JAK1: variants seen among roughly 807,000 people sequenced by gnomAD.
JAK1 encodes Janus kinase 1.
In JAK1, 16 loss-of-function variants were observed where a neutral mutation model predicts 136.6. The ratio of observed to expected loss-of-function variants is 0.12; its 90% CI spans 0.08 to 0.18. The LOEUF (loss-of-function observed/expected upper bound fraction) is 0.18, where lower values mean the gene tolerates loss of function less well. Among genes scored for constraint, JAK1 ranks in the 10% least tolerant of loss-of-function variants. The pLI, the probability that JAK1 is intolerant of heterozygous loss-of-function variation, is 1.00. For missense variants in JAK1, 859 were observed against 1,450.1 expected, an observed-to-expected ratio of 0.59 and a Z score of 6.62; for synonymous variants, 492 against 519.5, an observed-to-expected ratio of 0.95 and a Z score of 0.72.
At position 64,984,759 on chromosome 1, in the gene JAK1, G is replaced by T. The variant is rs1646581849; in HGVS notation, c.-78+59721C>A. ...ACACATCTCAGGGACTTTGAAGAAG[G>T]TAAAGATCAAGAAGGTAATGAGGAA... On this transcript the variant is annotated intron_variant, in intron 2 of 25. Coordinates refer to the JAK1 transcript ENST00000671954. This position sits in a 1 kb window ranked among gnomAD's most constrained non-coding sequence, Gnocchi z 4.1. 1.0e-6 allele frequency: 1 copy of T among 969,540 alleles called. No individual in the cohort carries two copies. Among genetic ancestry groups the T allele is most frequent in the Non-Finnish European group, 1.6e-6 (1 of 634,396 alleles). 60.1% of individuals were successfully genotyped at this position (969,540 alleles called of 1,614,324 possible).
At chr1:64,866,296 G>A (rs185894180) in intron 7 of JAK1, among the ~76,000 whole-genome samples, 37 of 152,266 alleles carry the variant, frequency 2.4e-4, no homozygotes, top group African/African-American at 7.9e-4. Context: ...GAACCCCGTC[G>A]ACGTGGGTCT....
chr1:65,022,838 T>A (rs1366819474), intron 2 of JAK1: 2 of 152,154 alleles, frequency 1.3e-5, no homozygotes, highest in African/African-American at 4.8e-5. Context: ...AAGGAGAAAC[T>A]AATCAGGGGA....
intron 1 of JAK1, among the ~76,000 whole-genome samples, chr1:65,063,666 G>A (rs1015193437): frequency 2.0e-5 from 3 of 151,980 alleles, no homozygotes; most frequent in Admixed American, 6.6e-5. Context: ...TCTGCCGGGC[G>A]TGGTGGCACA....
chr1:65,015,822 C>G (rs549938686), intron 2 of JAK1, among the ~76,000 whole-genome samples: 1 of 152,170 alleles, frequency 6.6e-6, no homozygotes, highest in Admixed American at 6.5e-5. Flanking sequence ...ACCATATGGC[C>G]CAGTAATGCC....
In JAK1 at chr1:65,008,689, C is replaced by A. The variant is rs192094689; in HGVS notation, c.-78+35791G>T. On this transcript the variant is annotated intron_variant, in intron 2 of 25. Coordinates refer to the JAK1 transcript ENST00000671954. Reference sequence around the variant, plus strand: ...CCCTTCCCCTTCTCCTTCTCTTTCTCCTTCTCCTTCTTTTTTATGACAGGG... The same window carrying A: ...CCCTTCCCCTTCTCCTTCTCTTTCTACTTCTCCTTCTTTTTTATGACAGGG... Among the ~76,000 whole-genome samples, 1,067 of 151,192 alleles carry A rather than the reference C, an allele frequency of 7.1e-3. 13 individuals are homozygous for A. The highest frequency in any genetic ancestry group is 0.024 in the African/African-American group (996 of 41,198).
intron 4 of JAK1, among the ~76,000 whole-genome samples, chr1:64,878,764 G>C (rs1182333620): frequency 6.6e-6 from 1 of 151,964 alleles, no homozygotes; most frequent in Non-Finnish European, 1.5e-5. Flanking sequence ...AAACTCTGCT[G>C]TAGGACACTA....
chr1:64,873,897 G>T (rs1440085399), intron 4 of JAK1, among the ~76,000 whole-genome samples: 1 of 152,156 alleles, frequency 6.6e-6, no homozygotes, highest in Non-Finnish European at 1.5e-5. Context: ...TCGAATCCAA[G>T]ACCAATTTGA....
At chr1:64,967,116 A>G (rs1028126297), upstream of JAK1, among the ~76,000 whole-genome samples, 5 of 152,122 alleles carry the variant, frequency 3.3e-5, no homozygotes, top group African/African-American at 1.2e-4. Flanking sequence ...CTGATACCTA[A>G]TGCATGTACA....
At chr1:65,029,642 G>C (rs1022800239) in intron 2 of JAK1, among the ~76,000 whole-genome samples, 3 of 152,186 alleles carry the variant, frequency 2.0e-5, no homozygotes, top group African/African-American at 7.2e-5. Flanking sequence ...AAAAGAATGA[G>C]ATCATGTCCT....
chr1:65,052,118 A>ATTTTTTTTTT (rs71056073), intron 1 of JAK1, among the ~76,000 whole-genome samples: 4 of 93,574 alleles, frequency 4.3e-5, no homozygotes, highest in Admixed American at 1.3e-4. Flanking sequence ...ACGCCTGGCT[A>ATTTTTTTTTT]TTTTTTTTTT....
chr1:64,834,513 CAGG>C lies in JAK1; in HGVS notation c.*46_*48del. 14 of 1,244,402 alleles carry C rather than the reference CAGG, an allele frequency of 1.1e-5. No homozygotes were observed. The highest frequency in any genetic ancestry group is 1.4e-5 in the Non-Finnish European group (12 of 856,256). The allele number at this position is 1,244,402 out of a possible 1,614,324, so 77.1% of individuals were successfully genotyped here. A position where few individuals can be genotyped will look rare whatever the true frequency, so the allele number is the denominator to read the frequency against. On this transcript the variant is annotated 3_prime_UTR_variant, in exon 25 of 25. Coordinates refer to ENST00000342505, the MANE Select transcript of JAK1 (RefSeq NM_002227.4). The stretch of plus-strand genomic sequence containing the variant: ...TAAAAAATGACTTGGGCATTTGTTG[CAGG>C]AGAAGGACTTGATAATCTGTGGAAT...
chr1:64,849,094 G>A lies in JAK1; in HGVS notation c.1756-1419C>T, dbSNP rs554500541. 4.6e-5 allele frequency among the ~76,000 whole-genome samples: 7 copies of A among 152,284 alleles called. No individual in the cohort carries two copies. In the East Asian group the frequency reaches 1.2e-3, roughly 25 times the overall value. ...GACACCATGCTGTCAGGATTCTGCAGGGACCCACAAAGGCCCATATGGCCC... is the reference window on the plus strand; with the variant it reads ...GACACCATGCTGTCAGGATTCTGCAAGGACCCACAAAGGCCCATATGGCCC... On this transcript the variant is annotated intron_variant, in intron 12 of 24. Coordinates refer to ENST00000342505, the MANE Select transcript of JAK1 (RefSeq NM_002227.4).
At chr1:65,020,005 C>A (rs1646923997) in intron 2 of JAK1, among the ~76,000 whole-genome samples, 1 of 151,980 alleles carries the variant, frequency 6.6e-6, no homozygotes, top group South Asian at 2.1e-4. Flanking sequence ...GTGGGCAGAT[C>A]ATCTGAGGTC....
chr1:64,881,895 A>G (rs921066752), intron 3 of JAK1, among the ~76,000 whole-genome samples: 2 of 152,230 alleles, frequency 1.3e-5, no homozygotes, highest in African/African-American at 4.8e-5. Context: ...CGAAGAGAAT[A>G]AACAATATAA....
chr1:64,895,425 A>G (rs995020700), intron 1 of JAK1, among the ~76,000 whole-genome samples: 2 of 152,206 alleles, frequency 1.3e-5, no homozygotes, highest in African/African-American at 4.8e-5. Context: ...AAAGGACCCA[A>G]CAAGGTTACT....
chr1:64,940,816 G>A (rs192247850), intron 1 of JAK1, among the ~76,000 whole-genome samples: 42 of 152,192 alleles, frequency 2.8e-4, no homozygotes, highest in Admixed American at 9.2e-4. Context: ...GTATTCAGTC[G>A]CTTCAGTTCA....
chr1:64,987,947 T>C (rs1646615392), intron 2 of JAK1, among the ~76,000 whole-genome samples: 1 of 152,240 alleles, frequency 6.6e-6, no homozygotes, highest in Non-Finnish European at 1.5e-5. Context: ...GAAACCATTC[T>C]TATTTTATTC....
At chr1:64,932,068 CT>C (rs1334612776) in intron 1 of JAK1, among the ~76,000 whole-genome samples, 4 of 151,928 alleles carry the variant, frequency 2.6e-5, no homozygotes. Context: ...TTCTTTACAT[CT>C]CATTTAACGC....
intron 2 of JAK1, chr1:64,992,618 G>C (rs1245334608): frequency 1.3e-5 from 2 of 151,978 alleles, no homozygotes; most frequent in South Asian, 2.1e-4. Flanking sequence ...GGCCAGGCGC[G>C]GTGGCTCACG....
Sources: gnomAD v4.1 joint callset for allele counts (sites outside exome capture counted in the v4.1 genomes callset) on GRCh38, gnomAD v4.1.1 for gene constraint, Gnocchi (gnomAD v3.1) non-coding constraint, MANE v1.5 for transcripts, NCBI Gene and HGNC (gene_info 2026-07-23, HGNC 2026-07-21) for gene names.